The following TTC27 variants were observed in gnomAD, a reference collection of about 807,000 sequenced individuals.
The protein encoded by TTC27 is tetratricopeptide repeat protein 27.
In TTC27, 79 loss-of-function variants were observed where a neutral mutation model predicts 115.9. The observed-to-expected ratio is 0.68, with a 90% CI of 0.57 to 0.82. The LOEUF is 0.82. Among genes scored for constraint, TTC27 ranks in the 40% least tolerant of loss-of-function variants. The pLI is 0.00. For missense variants in TTC27, 1,054 were observed against 993.1 expected (o/e 1.06, Z -0.82); for synonymous variants, 401 against 356.0 (o/e 1.13, Z -1.42).
At chr2:32,650,763 G>T (rs1326100657) in intron 5 of TTC27, among the ~76,000 whole-genome samples, 1 of 152,070 alleles carries the variant, frequency 6.6e-6, no homozygotes, top group African/African-American at 2.4e-5. Flanking sequence ...AGGCTATTTT[G>T]CATTTCATTT....
chr2:32,811,369 C>T (rs905689298), intron 17 of TTC27, 148 bp downstream of exon 17: 26 of 745,954 alleles, frequency 3.5e-5, no homozygotes, highest in Admixed American at 5.9e-5. Flanking sequence ...CTTTAACCTA[C>T]GTACTTTGAA....
intron 10 of TTC27, among the ~76,000 whole-genome samples, chr2:32,720,853 A>C (rs1317080783): frequency 6.6e-6 from 1 of 152,226 alleles, no homozygotes; most frequent in Non-Finnish European, 1.5e-5. Context: ...CTCATGTGTT[A>C]GCGTCTCAGA....
At chr2:32,765,775 G>A (rs571543519) in intron 13 of TTC27, among the ~76,000 whole-genome samples, 1 of 152,252 alleles carries the variant, frequency 6.6e-6, no homozygotes, top group South Asian at 2.1e-4. Context: ...GTTTCATTGT[G>A]CACTTTTATG....
At chr2:32,705,800 T>A (rs749924058) in intron 10 of TTC27, among the ~76,000 whole-genome samples, 1 of 152,142 alleles carries the variant, frequency 6.6e-6, no homozygotes, top group Non-Finnish European at 1.5e-5. Context: ...GCAATCCTCC[T>A]GCCTTGGCCT....
intron 8 of TTC27, among the ~76,000 whole-genome samples, chr2:32,674,664 T>A (rs1286154147): frequency 6.6e-6 from 1 of 151,546 alleles, no homozygotes; most frequent in Non-Finnish European, 1.5e-5. Context: ...TGACAGAATT[T>A]TTTTTTTTTT....
At chr2:32,672,122 C>A (rs984364406) in intron 7 of TTC27, 150 bp from the exon 8 acceptor site, 1 of 556,562 alleles carries the variant, frequency 1.8e-6, no homozygotes, top group Admixed American at 3.3e-5. Context: ...TAAATTGTTT[C>A]CAAATATGTG....
chr2:32,788,689 C>T (rs220655), intron 16 of TTC27, among the ~76,000 whole-genome samples: 4 of 151,968 alleles, frequency 2.6e-5, no homozygotes, highest in Non-Finnish European at 5.9e-5. Context: ...TAACAACTGG[C>T]TCACCAGGTT....
At chr2:32,663,404 A>G (rs904618879) in intron 5 of TTC27, among the ~76,000 whole-genome samples, 1 of 152,010 alleles carries the variant, frequency 6.6e-6, no homozygotes, top group Non-Finnish European at 1.5e-5. Flanking sequence ...GTCCCTCAGG[A>G]CTTCCCTTGG....
chr2:32,727,294 A>G lies in TTC27; in HGVS notation c.1234-6534A>G, dbSNP rs115354424. Among the ~76,000 whole-genome samples the G allele has an allele frequency of 4.5e-3, 688 of 152,350 alleles. 7 individuals are homozygous for G. Among genetic ancestry groups the G allele is most frequent in the African/African-American group, 0.016 (650 of 41,574 alleles). ...TGTGAAATGTGTCCACATTGGGAAGATCAGCTCATTTTCCAAAAAACTAGT... is the reference window on the plus strand; with the variant it reads ...TGTGAAATGTGTCCACATTGGGAAGGTCAGCTCATTTTCCAAAAAACTAGT... On this transcript the variant is annotated intron_variant, in intron 10 of 19. Coordinates refer to ENST00000317907, the MANE Select transcript of TTC27 (RefSeq NM_017735.5).
At chr2:32,714,819 A>T (rs929071416) in intron 10 of TTC27, among the ~76,000 whole-genome samples, 1 of 151,964 alleles carries the variant, frequency 6.6e-6, no homozygotes, top group Non-Finnish European at 1.5e-5. Context: ...GTTTTGATTT[A>T]TATTTCTCCA....
chr2:32,759,827 A>G (rs1669373522), intron 13 of TTC27, among the ~76,000 whole-genome samples: 1 of 152,234 alleles, frequency 6.6e-6, no homozygotes, highest in Admixed American at 6.5e-5. Flanking sequence ...TAACTTGTAA[A>G]AGTGGAATCA....
At chr2:32,697,285 G>A (rs1667021302) in intron 9 of TTC27, among the ~76,000 whole-genome samples, 2 of 152,114 alleles carry the variant, frequency 1.3e-5, no homozygotes, top group African/African-American at 4.8e-5. Context: ...CATGTATTCA[G>A]TTACTCATTG....
At chr2:32,801,051 AG>A (rs1670916292) in intron 16 of TTC27, among the ~76,000 whole-genome samples, 1 of 152,236 alleles carries the variant, frequency 6.6e-6, no homozygotes, top group Non-Finnish European at 1.5e-5. Flanking sequence ...AGCCATAGTA[AG>A]GGTAGGCTGT....
intron 14 of TTC27, 75 bp from the exon 15 acceptor site, chr2:32,782,551 T>G: frequency 7.8e-7 from 1 of 1,286,286 alleles, no homozygotes; most frequent in Non-Finnish European, 1.1e-6. Flanking sequence ...TAGGAGAGTG[T>G]GTTGTACTTT....
rs141244492 is a variant in TTC27 at position 32,796,673 on chromosome 2, A to G, written c.1998+9524A>G. Among the ~76,000 whole-genome samples the G allele has an allele frequency of 1.5e-4, 23 of 152,304 alleles. No homozygotes were observed. The East Asian group carries it at 2.9e-3, about 19-fold the overall frequency. On this transcript the variant is annotated intron_variant, in intron 16 of 19. Coordinates refer to ENST00000317907, the MANE Select transcript of TTC27 (RefSeq NM_017735.5). ...ATCCTAAAATTCAAATGGAATCTCA[A>G]GAGACCCTGGATGGCCCAAACAACT...
intron 16 of TTC27, among the ~76,000 whole-genome samples, chr2:32,792,465 C>A (rs946563271): frequency 6.6e-6 from 1 of 152,034 alleles, no homozygotes. Context: ...GCCCTTTCCA[C>A]AGTCTAAGAA....
intron 10 of TTC27, among the ~76,000 whole-genome samples, chr2:32,719,008 G>A (rs1273526914): frequency 3.3e-5 from 5 of 152,178 alleles, no homozygotes; most frequent in Non-Finnish European, 7.4e-5. Context: ...AGCCTAGGGG[G>A]CAGAGGAGGC....
chr2:32,696,033 G>A (rs887436530), intron 9 of TTC27, among the ~76,000 whole-genome samples: 1 of 150,218 alleles, frequency 6.7e-6, no homozygotes, highest in South Asian at 2.1e-4. Flanking sequence ...TGAGGCAGGA[G>A]CATTGCTTGA....
chr2:32,718,917 T>C (rs1667836066), intron 10 of TTC27, among the ~76,000 whole-genome samples: 1 of 152,264 alleles, frequency 6.6e-6, no homozygotes, highest in South Asian at 2.1e-4. Flanking sequence ...CTTCATTCTT[T>C]CATTCCTTTC....
Sources: allele counts gnomAD v4.1 joint callset (sites outside exome capture counted in the v4.1 genomes callset), GRCh38; gene constraint gnomAD v4.1.1; transcripts MANE v1.5; gene names NCBI Gene and HGNC (gene_info 2026-07-23, HGNC 2026-07-21).